Variants in ARHGEF10 observed in about 807,000 individuals in gnomAD.
ARHGEF10 encodes the protein Rho guanine nucleotide exchange factor (GEF) 10.
ARHGEF10 carries 140 observed loss-of-function variants against 147.4 expected under a neutral mutation model. That is an observed-to-expected ratio of 0.95 (90% CI 0.83 to 1.09). The LOEUF is 1.09. Ranked by LOEUF, ARHGEF10 falls within the 50% of genes least tolerant of loss-of-function variation. The pLI is 0.00. For missense variants in ARHGEF10, 2,222 were observed against 1,752.7 expected (o/e 1.27, Z -4.78); for synonymous variants, 902 against 695.8 (o/e 1.30, Z -4.67).
At position 1,876,714 on chromosome 8, in the gene ARHGEF10, C is replaced by T. The variant is rs761105475; in HGVS notation, c.823C>T (p.Arg275Cys). 7 of 1,614,070 alleles carry T rather than the reference C, an allele frequency of 4.3e-6. No individual in the cohort carries two copies. The highest frequency in any genetic ancestry group is 4.5e-5 in the East Asian group (2 of 44,894). The change falls in exon 8 of 29, where the codon CGC becomes TGC. Residue 275 changes from arginine (R) to cysteine (C), a missense_variant. Arg to Cys is a radical substitution (Grantham distance 180). Transcript: ENST00000349830. ...GAATGGGATTCCCAGGTCCTTCCTG[C>T]GCAGCAACCACAAAAAGCAAGTACG... ...CKNGIPRSFL[R>C]SNHKKQLSHD...
intron 26 of ARHGEF10, among the ~76,000 whole-genome samples, chr8:1,939,970 G>C (rs1813950189): frequency 6.6e-6 from 1 of 152,166 alleles, no homozygotes; most frequent in East Asian, 1.9e-4. Flanking sequence ...TTTCAGCGTG[G>C]AACAGATGTC....
chr8:1,914,449 G>T (rs538737946), intron 18 of ARHGEF10, among the ~76,000 whole-genome samples: 1 of 152,206 alleles, frequency 6.6e-6, no homozygotes, highest in Non-Finnish European at 1.5e-5. Flanking sequence ...GCATGGCCTC[G>T]CCTGTAGGCA....
At chr8:1,868,356 A>G (rs1806791660) in intron 6 of ARHGEF10, among the ~76,000 whole-genome samples, 1 of 152,178 alleles carries the variant, frequency 6.6e-6, no homozygotes, top group South Asian at 2.1e-4. Flanking sequence ...ATGCAGTCAT[A>G]TGTCATAGTT....
At chr8:1,946,040 C>G (rs1168065697) in intron 27 of ARHGEF10, 1 of 374,344 alleles carries the variant, frequency 2.7e-6, no homozygotes, top group Non-Finnish European at 5.1e-6. Context: ...CTCCCTTTGG[C>G]TGGGAGGGCT....
At chr8:1,875,286 A>T (rs974119812) in intron 7 of ARHGEF10, among the ~76,000 whole-genome samples, 2 of 151,806 alleles carry the variant, frequency 1.3e-5, no homozygotes, top group African/African-American at 4.8e-5. Context: ...GACAGGCTGG[A>T]GGAACAGTGG....
chr8:1,908,065 C>G (rs1443583762), intron 17 of ARHGEF10, among the ~76,000 whole-genome samples: 1 of 152,076 alleles, frequency 6.6e-6, no homozygotes, highest in African/African-American at 2.4e-5. Context: ...AATTGTTCTT[C>G]CTCCTTTCCC....
At chr8:1,843,256 C>T in intron 1 of ARHGEF10, 97 bp from the exon 2 acceptor site, 1 of 861,538 alleles carries the variant, frequency 1.2e-6, no homozygotes, top group Non-Finnish European at 1.9e-6. Flanking sequence ...ACAGTTAGCT[C>T]TTCCTTTTTG....
At chr8:1,912,495 G>A (rs1438205614) in intron 18 of ARHGEF10, among the ~76,000 whole-genome samples, 1 of 151,696 alleles carries the variant, frequency 6.6e-6, no homozygotes, top group East Asian at 2.0e-4. Context: ...ACTCAGTAGG[G>A]AGCTCCCCAT....
intron 18 of ARHGEF10, among the ~76,000 whole-genome samples, chr8:1,911,006 A>G (rs766975385): frequency 6.6e-6 from 1 of 152,212 alleles, no homozygotes; most frequent in African/African-American, 2.4e-5. Flanking sequence ...GGGTGATTCA[A>G]CCCATTTTTA....
At chr8:1,923,736 GT>G in intron 20 of ARHGEF10, 37 bp from the exon 21 acceptor site, 1 of 1,613,892 alleles carries the variant, frequency 6.2e-7, no homozygotes, top group Non-Finnish European at 8.5e-7. Flanking sequence ...GATGGAGCAC[GT>G]TTTATAAAAT....
At position 1,948,053 on chromosome 8, in the gene ARHGEF10, T is replaced by G. The variant is rs944726325; in HGVS notation, c.3397+2398T>G. Among the ~76,000 whole-genome samples the G allele has an allele frequency of 1.3e-5, 2 of 152,100 alleles. No individual in the cohort carries two copies. The highest frequency in any genetic ancestry group is 4.8e-5 in the African/African-American group (2 of 41,428). ...TTTGGATGATGAAGTTGTCTGTGGC[T>G]GGGCGCTGAGCCTTCCTTGGGACTT... is the stretch of plus-strand genomic sequence containing the variant. On this transcript the variant is annotated intron_variant, in intron 27 of 28. Coordinates refer to ENST00000349830, the MANE Select transcript of ARHGEF10 (RefSeq NM_014629.4). This position sits in a 1 kb window ranked among gnomAD's most constrained non-coding sequence, Gnocchi z 4.9.
chr8:1,826,045 A>G, intron 1 of ARHGEF10: 1 of 1,466,744 alleles, frequency 6.8e-7, no homozygotes, highest in Non-Finnish European at 9.3e-7. Flanking sequence ...TGTCTCTCAC[A>G]GCATTTATTT....
intron 4 of ARHGEF10, among the ~76,000 whole-genome samples, chr8:1,861,675 G>A (rs1362183404): frequency 6.6e-6 from 1 of 152,068 alleles, no homozygotes; most frequent in Non-Finnish European, 1.5e-5. Flanking sequence ...TTGGATTTTG[G>A]GAAACACAGA....
intron 25 of ARHGEF10, among the ~76,000 whole-genome samples, chr8:1,929,984 T>C (rs1812993585): frequency 6.6e-6 from 1 of 152,132 alleles, no homozygotes; most frequent in African/African-American, 2.4e-5. Flanking sequence ...TGTGTGTCTG[T>C]TCTCTCTCCA....
intron 26 of ARHGEF10, among the ~76,000 whole-genome samples, chr8:1,938,657 C>T (rs747689): frequency 0.31 from 46,988 of 152,048 alleles, 7,646 homozygotes; most frequent in East Asian, 0.58. Context: ...CAGGCCTAAG[C>T]GGGCACGGTG....
chr8:1,882,623 T>A lies in ARHGEF10; in HGVS notation c.961-12T>A. 1 of 1,550,560 alleles carries A rather than the reference T, an allele frequency of 6.4e-7. No homozygotes were observed. The highest frequency in any genetic ancestry group is 8.7e-7 in the Non-Finnish European group (1 of 1,146,270). On this transcript the variant is annotated splice_polypyrimidine_tract_variant and intron_variant, in intron 9 of 28. Coordinates refer to ENST00000349830, the MANE Select transcript of ARHGEF10 (RefSeq NM_014629.4). ...CCGCCGTCCCGTTCTCACATCTCCC[T>A]CTCCGTCGCAGATGCAGAAGCTCGT...
At chr8:1,914,964 C>T (rs1031351665) in intron 18 of ARHGEF10, among the ~76,000 whole-genome samples, 3 of 152,166 alleles carry the variant, frequency 2.0e-5, no homozygotes, top group African/African-American at 7.2e-5. Context: ...CTGAGGTCGG[C>T]GTGCCTGTGG....
In ARHGEF10 at chr8:1,882,692, A is replaced by C. The variant is rs758898349; in HGVS notation, c.1018A>C (p.Arg340=). Residue 340 remains arginine, a synonymous_variant, in exon 10 of 29, where the codon AGG becomes CGG. Transcript: ENST00000349830. ...DGTKDGLERT[R]AAVKRGRSFI... is the part of the protein sequence containing the mutation. ...CACCAAGGACGGGCTGGAGAGGACC[A>C]GGGCAGCCGTGAAGAGGGGCCGCTC... is the stretch of plus-strand genomic sequence containing the variant. 12 of 1,557,232 alleles carry C rather than the reference A, an allele frequency of 7.7e-6. No homozygotes were observed. The highest frequency in any genetic ancestry group is 1.7e-4 in the Middle Eastern group (1 of 6,020).
chr8:1,884,347 G>C (rs1808473436), intron 10 of ARHGEF10, among the ~76,000 whole-genome samples: 1 of 150,890 alleles, frequency 6.6e-6, no homozygotes, highest in African/African-American at 2.4e-5. Context: ...AGTGAGCCGA[G>C]ATTGCGCCAC....
Sources: gnomAD v4.1 joint callset for allele counts (sites outside exome capture counted in the v4.1 genomes callset) on GRCh38, gnomAD v4.1.1 for gene constraint, Gnocchi (gnomAD v3.1) non-coding constraint, MANE v1.5 for transcripts, NCBI Gene and HGNC (gene_info 2026-07-23, HGNC 2026-07-21) for gene names.